TJP1: variants seen among roughly 807,000 people sequenced by gnomAD.
TJP1 encodes tight junction protein ZO-1.
A neutral mutation model predicts 194.2 loss-of-function variants in TJP1; 43 were observed. The observed-to-expected ratio is 0.22, with a 90% CI of 0.17 to 0.29. The LOEUF (loss-of-function observed/expected upper bound fraction) is 0.29. TJP1 is among the 10% of genes least tolerant of loss of function. The pLI, the probability that TJP1 is intolerant of heterozygous loss-of-function variation, is 1.00. For synonymous variants in TJP1, 801 were observed against 779.0 expected (o/e 1.03, Z -0.47); for missense variants, 1,971 against 2,185.7 (o/e 0.90, Z 1.96).
At chr15:29,737,663 TAA>T (rs1420288553) in intron 10 of TJP1, among the ~76,000 whole-genome samples, 3 of 152,224 alleles carry the variant, frequency 2.0e-5, no homozygotes, top group Non-Finnish European at 4.4e-5. Context: ...AACTAATTTA[TAA>T]AATTACTTTG....
At chr15:29,764,793 A>T (rs1443975754) in intron 5 of TJP1, among the ~76,000 whole-genome samples, 2 of 152,212 alleles carry the variant, frequency 1.3e-5, no homozygotes, top group African/African-American at 4.8e-5. Context: ...TGTTTCAGGG[A>T]CCTACAGGAA....
At chr15:29,868,057 C>CAA (rs33939764) in intron 2 of TJP1, among the ~76,000 whole-genome samples, 16,249 of 127,164 alleles carry the variant, frequency 0.13, 1,264 homozygotes, top group African/African-American at 0.2. Context: ...GATTCTGTCT[C>CAA]AAAAAAAAAA....
chr15:29,725,571 G>T (rs373859564), intron 18 of TJP1, among the ~76,000 whole-genome samples: 1 of 151,060 alleles, frequency 6.6e-6, no homozygotes, highest in African/African-American at 2.4e-5. Context: ...AAAGGTAAAA[G>T]ACATTTAAAA....
At chr15:29,723,977 CAG>C (rs1328989071) in intron 18 of TJP1, among the ~76,000 whole-genome samples, 1 of 152,186 alleles carries the variant, frequency 6.6e-6, no homozygotes, top group Non-Finnish European at 1.5e-5. Flanking sequence ...ATCCAGGAAT[CAG>C]AAAGTATTTC....
intron 18 of TJP1, among the ~76,000 whole-genome samples, chr15:29,725,564 G>A (rs918377542): frequency 6.6e-6 from 1 of 151,504 alleles, no homozygotes; most frequent in African/African-American, 2.4e-5. Flanking sequence ...ATCTGAAAAA[G>A]GTAAAAGACA....
chr15:29,949,400 TCCACAACCACCAC>T (rs2055459903), intron 2 of TJP1, among the ~76,000 whole-genome samples: 1 of 96,552 alleles, frequency 1.0e-5, no homozygotes, highest in Non-Finnish European at 2.1e-5. Context: ...CACCACCACC[TCCACAACCACCAC>T]CTCTACCTCC....
At chr15:29,867,134 G>A (rs1431981068) in intron 2 of TJP1, among the ~76,000 whole-genome samples, 2 of 152,156 alleles carry the variant, frequency 1.3e-5, no homozygotes, top group Non-Finnish European at 2.9e-5. Context: ...AAATGTAAAA[G>A]GTGGAAAGAG....
At chr15:29,927,736 G>A (rs2054570432) in intron 2 of TJP1, among the ~76,000 whole-genome samples, 1 of 152,148 alleles carries the variant, frequency 6.6e-6, no homozygotes, top group South Asian at 2.1e-4. Flanking sequence ...TTCTGATTCT[G>A]GAGAGCATCG....
At chr15:29,811,277 A>C (rs2049480761) in intron 1 of TJP1, among the ~76,000 whole-genome samples, 1 of 151,986 alleles carries the variant, frequency 6.6e-6, no homozygotes, top group Non-Finnish European at 1.5e-5. Flanking sequence ...GAGTGTTCGC[A>C]TGTGTGTGTA....
At chr15:29,717,664 C>G (rs948627275) in intron 22 of TJP1, among the ~76,000 whole-genome samples, 14 of 152,234 alleles carry the variant, frequency 9.2e-5, no homozygotes, top group African/African-American at 3.4e-4. Flanking sequence ...CTTAACCAAT[C>G]TGAGTCTGTT....
At chr15:29,906,099 T>G (rs1041030127) in intron 2 of TJP1, among the ~76,000 whole-genome samples, 47 of 152,202 alleles carry the variant, frequency 3.1e-4, no homozygotes, top group African/African-American at 1.1e-3. Flanking sequence ...AGGGAGGCTA[T>G]GCCTACGTGG....
intron 1 of TJP1, among the ~76,000 whole-genome samples, chr15:29,959,913 CAG>C (rs2056092664): frequency 6.6e-6 from 1 of 152,138 alleles, no homozygotes; most frequent in Non-Finnish European, 1.5e-5. Flanking sequence ...CTCTTCTCCA[CAG>C]GGTAAAAGCT....
At chr15:29,935,720 C>T (rs1001114082) in intron 2 of TJP1, among the ~76,000 whole-genome samples, 1 of 152,128 alleles carries the variant, frequency 6.6e-6, no homozygotes, top group Non-Finnish European at 1.5e-5. Flanking sequence ...CCCTACACCC[C>T]CGTTCCTGCT....
intron 2 of TJP1, among the ~76,000 whole-genome samples, chr15:29,782,578 A>G (rs1595877727): frequency 1.3e-5 from 2 of 152,306 alleles, no homozygotes; most frequent in African/African-American, 4.8e-5. Context: ...GTAAAACCCA[A>G]AACTATAAAA....
chr15:29,705,495 A>C (rs538201229), intron 26 of TJP1, 33 bp downstream of exon 26: 4 of 1,607,110 alleles, frequency 2.5e-6, no homozygotes, highest in Non-Finnish European at 3.4e-6. Context: ...CTCTTAAGTT[A>C]TCAAAACTAA....
At chr15:29,964,160 A>T (rs981555763) in intron 1 of TJP1, among the ~76,000 whole-genome samples, 1 of 152,208 alleles carries the variant, frequency 6.6e-6, no homozygotes, top group Non-Finnish European at 1.5e-5. Flanking sequence ...AGATCTCCAG[A>T]TGAGATCATC....
chr15:29,703,874 C>G (rs2041718155), intron 27 of TJP1, among the ~76,000 whole-genome samples: 1 of 152,080 alleles, frequency 6.6e-6, no homozygotes, highest in African/African-American at 2.4e-5. Context: ...AACTCCTGAC[C>G]TCAGGTAATC....
chr15:29,704,397 T>C, intron 26 of TJP1, 92 bp from the exon 27 acceptor site: 1 of 1,459,008 alleles, frequency 6.9e-7, no homozygotes, highest in South Asian at 1.3e-5. Flanking sequence ...ATTATATGCT[T>C]GAAAGCCTAA....
At chr15:29,766,173 A>G in intron 5 of TJP1, 93 bp downstream of exon 5, 1 of 1,486,614 alleles carries the variant, frequency 6.7e-7, no homozygotes, top group African/African-American at 1.4e-5. Flanking sequence ...AAGACAACAA[A>G]GCAAAGACAT....
Sources: allele counts gnomAD v4.1 joint callset (sites outside exome capture counted in the v4.1 genomes callset), GRCh38; gene constraint gnomAD v4.1.1; transcripts MANE v1.5; gene names NCBI Gene and HGNC (gene_info 2026-07-23, HGNC 2026-07-21).